The following EQTN variants were observed in gnomAD, a reference collection of about 807,000 sequenced individuals.
EQTN encodes the protein Acrosome formation associated factor.
Under a neutral mutation model 26.9 loss-of-function variants are expected in EQTN, and 29 were observed. That is an observed-to-expected ratio of 1.08 (90% CI 0.80 to 1.47). The LOEUF (loss-of-function observed/expected upper bound fraction) is 1.47. Among genes scored for constraint, EQTN ranks in the 40% most tolerant of loss-of-function variants. The pLI, the probability that EQTN is intolerant of heterozygous loss-of-function variation, is 0.00. For synonymous variants in EQTN, 129 were observed against 120.0 expected (o/e 1.07, Z -0.49); for missense variants, 391 against 346.1 (o/e 1.13, Z -1.03).
intron 3 of EQTN, 150 bp downstream of exon 3, chr9:27,294,166 T>C (rs1228582725): frequency 3.9e-6 from 2 of 506,638 alleles, no homozygotes; most frequent in Non-Finnish European, 7.1e-6. Context: ...AGAACTAAGC[T>C]GGATCCCAGT....
At position 27,292,427 on chromosome 9, in the gene EQTN, C is replaced by G; in HGVS notation, c.350G>C (p.Ser117Thr). 2.5e-6 allele frequency: 4 copies of G among 1,607,166 alleles called. No individual in the cohort carries two copies. Among genetic ancestry groups the G allele is most frequent in the South Asian group, 2.2e-5 (2 of 90,280 alleles). ...TTGAATATTTTTATGAGAGGGTTCG[C>G]TAGTAGTTGTTTCTTCTTCAATGGT... is the stretch of plus-strand genomic sequence containing the variant. Reference protein sequence around the residue: ...KSTIEEETTTSEPSHKNIQRS... With the variant: ...KSTIEEETTTTEPSHKNIQRS... The change falls in exon 4 of 8, where the codon AGC (serine) becomes ACC (threonine). Residue 117 changes from serine (S) to threonine (T), a missense_variant. Coordinates refer to ENST00000380032, the MANE Select transcript of EQTN (RefSeq NM_020641.3).
chr9:27,286,403 T>G (rs763765305), intron 6 of EQTN, 41 bp from the exon 7 acceptor site: 36 of 1,545,128 alleles, frequency 2.3e-5, no homozygotes, highest in Non-Finnish European at 3.2e-5. Flanking sequence ...GGGTGTTCAG[T>G]GTGTTCTCCT....
intron 5 of EQTN, among the ~76,000 whole-genome samples, chr9:27,289,940 G>A (rs902470763): frequency 1.3e-5 from 2 of 152,178 alleles, no homozygotes; most frequent in African/African-American, 2.4e-5. Flanking sequence ...TTAGATTCCT[G>A]CAAGTCTGGT....
intron 5 of EQTN, 98 bp from the exon 6 acceptor site, chr9:27,289,829 G>T: frequency 1.1e-6 from 1 of 872,198 alleles, no homozygotes; most frequent in Non-Finnish European, 1.7e-6. Flanking sequence ...CCCAGTGTGT[G>T]TACAGTCTGT....
Position 27,289,716 on chromosome 9 carries a change from G to A in EQTN, c.437C>T (p.Ala146Val). ...TTGATCTTTATCATCCATGACCACT[G>A]CTGTTCCATTTATAGCTGTTAAAAC... The part of the protein sequence containing the change: ...TMLAKAINGT[A>V]VVMDDKDQLF... The change falls in exon 6 of 8, where the codon GCA (alanine) becomes GTA (valine). Residue 146 changes from alanine (A) to valine (V), a missense_variant. Ala to Val is a moderately conservative substitution (Grantham distance 64, BLOSUM62 0). Transcript: ENST00000380032. 2 of 1,605,472 alleles carry A rather than the reference G, an allele frequency of 1.2e-6. No homozygotes were observed. The highest frequency in any genetic ancestry group is 1.7e-6 in the Non-Finnish European group (2 of 1,175,684).
intron 3 of EQTN, among the ~76,000 whole-genome samples, chr9:27,293,629 C>T (rs761454178): frequency 3.9e-5 from 6 of 152,180 alleles, no homozygotes; most frequent in Non-Finnish European, 8.8e-5. Flanking sequence ...TACTCAATAA[C>T]TCATATCCTA....
At chr9:27,294,235 C>T (rs1023696817) in intron 3 of EQTN, 81 bp downstream of exon 3, 26 of 913,814 alleles carry the variant, frequency 2.8e-5, no homozygotes, top group South Asian at 2.6e-4. Flanking sequence ...GACTTCTTTT[C>T]TCCCCAACAG....
chr9:27,284,958 TCA>T lies in EQTN; in HGVS notation c.648_649del (p.Cys216Ter). 1 of 1,612,094 alleles carries T rather than the reference TCA, an allele frequency of 6.2e-7. No individual in the cohort carries two copies. The highest frequency in any genetic ancestry group is 8.5e-7 in the Non-Finnish European group (1 of 1,179,320). On this transcript the variant is annotated stop_gained and frameshift_variant, in exon 8 of 8. Transcript: ENST00000380032. LOFTEE classifies it low-confidence loss of function (END_TRUNC). ...CTCTGGGTTGACAGAGTACTGACTC[TCA>T]CAACTTTTATAACTGAAGAAGAAAA...
At chr9:27,285,638 C>A (rs548411126) in intron 7 of EQTN, among the ~76,000 whole-genome samples, 3 of 152,206 alleles carry the variant, frequency 2.0e-5, no homozygotes, top group African/African-American at 4.8e-5. Context: ...CAGAAATACA[C>A]CATTCGTCAA....
chr9:27,294,114 T>G (rs1820288772), intron 3 of EQTN, among the ~76,000 whole-genome samples: 1 of 152,156 alleles, frequency 6.6e-6, no homozygotes, highest in African/African-American at 2.4e-5. Context: ...CTCAGGTGTA[T>G]TTGTGTGGGA....
chr9:27,287,380 G>C lies in EQTN; in HGVS notation c.482-1018C>G, dbSNP rs193292270. Among the ~76,000 whole-genome samples the C allele has an allele frequency of 8.5e-5, 13 of 152,308 alleles. 1 individual carries two copies. On this transcript the variant is annotated intron_variant, in intron 6 of 7. Coordinates refer to ENST00000380032, the MANE Select transcript of EQTN (RefSeq NM_020641.3). ...TAAACAAATTACGTTAAAATGGGCT[G>C]TGCTCCTGAATTGCTTTTCTGTCTC...
At chr9:27,289,069 T>G (rs1213453888) in intron 6 of EQTN, among the ~76,000 whole-genome samples, 1 of 152,238 alleles carries the variant, frequency 6.6e-6, no homozygotes, top group African/African-American at 2.4e-5. Context: ...TACCACATCA[T>G]GCAAGACATA....
chr9:27,286,790 G>T (rs978763535), intron 6 of EQTN, among the ~76,000 whole-genome samples: 2 of 152,148 alleles, frequency 1.3e-5, no homozygotes, highest in African/African-American at 4.8e-5. Flanking sequence ...AGGAGGTAAA[G>T]GTGCATGCTC....
chr9:27,284,831 A>C lies in EQTN; in HGVS notation c.777T>G (p.Asp259Glu). The C allele has an allele frequency of 6.2e-7, 1 of 1,614,126 alleles. No individual in the cohort carries two copies. ...SSTFLGTTSS[D>E]MRRSGTRTSE... is the part of the protein sequence containing the mutation. ...ATGTTCTTGTGCCTGATCTTCTCAT[A>C]TCTGAAGAAGTGGTACCCAAAAATG... The change falls in exon 8 of 8, where the codon GAT becomes GAG. Residue 259 changes from aspartate (D) to glutamate (E), a missense_variant. Coordinates refer to ENST00000380032, the MANE Select transcript of EQTN (RefSeq NM_020641.3).
chr9:27,291,077 A>G lies in EQTN; in HGVS notation c.377-14T>C, dbSNP rs1273615699. 3.1e-6 allele frequency: 5 copies of G among 1,598,562 alleles called. No homozygotes were observed. The highest frequency in any genetic ancestry group is 1.8e-5 in the Admixed American group (1 of 56,786). On this transcript the variant is annotated splice_polypyrimidine_tract_variant and intron_variant, in intron 4 of 7. Coordinates refer to ENST00000380032, the MANE Select transcript of EQTN (RefSeq NM_020641.3). ...TTGGGGTTGATCCTGTTAAAACAAA[A>G]CAAAACACAACAAGAACAACAAGAA... is the stretch of plus-strand genomic sequence containing the variant.
intron 4 of EQTN, 93 bp downstream of exon 4, chr9:27,292,308 G>T: frequency 1.4e-6 from 1 of 696,784 alleles, no homozygotes; most frequent in Non-Finnish European, 2.3e-6. Flanking sequence ...AGCATGCTAT[G>T]GCTTTATGTA....
chr9:27,295,421 A>G (rs1308593348), intron 2 of EQTN, among the ~76,000 whole-genome samples: 1 of 152,230 alleles, frequency 6.6e-6, no homozygotes, highest in Non-Finnish European at 1.5e-5. Flanking sequence ...ATTAAATATA[A>G]GTTTCACATC....
chr9:27,288,735 G>A (rs1820168588), intron 6 of EQTN, among the ~76,000 whole-genome samples: 1 of 152,180 alleles, frequency 6.6e-6, no homozygotes, highest in Non-Finnish European at 1.5e-5. Context: ...GCATATTGCT[G>A]AGTGAAAGAA....
chr9:27,289,072 AAGACAT>A (rs1318500931), intron 6 of EQTN, among the ~76,000 whole-genome samples: 3 of 152,244 alleles, frequency 2.0e-5, no homozygotes, highest in Non-Finnish European at 4.4e-5. Flanking sequence ...CACATCATGC[AAGACAT>A]AGGGGAAACT....
Sources: allele counts gnomAD v4.1 joint callset (sites outside exome capture counted in the v4.1 genomes callset), GRCh38; gene constraint gnomAD v4.1.1; transcripts MANE v1.5; gene names NCBI Gene and HGNC (gene_info 2026-07-23, HGNC 2026-07-21).